Variants in RAD51B observed in about 807,000 individuals in gnomAD.
RAD51B encodes the protein DNA repair protein RAD51 homolog 2.
A neutral mutation model predicts 42.2 loss-of-function variants in RAD51B; 38 were observed. The ratio of observed to expected loss-of-function variants is 0.90; its 90% CI spans 0.70 to 1.18. The LOEUF is 1.18. Among genes scored for constraint, RAD51B ranks in the 50% most tolerant of loss-of-function variants. The pLI is 0.00. For synonymous variants in RAD51B, 154 were observed against 145.2 expected, an observed-to-expected ratio of 1.06 and a Z score of -0.43; for missense variants, 373 against 400.7, an observed-to-expected ratio of 0.93 and a Z score of 0.59.
intron 9 of RAD51B, among the ~76,000 whole-genome samples, chr14:68,460,662 G>A (rs1211192549): frequency 6.6e-6 from 1 of 152,158 alleles, no homozygotes; most frequent in Non-Finnish European, 1.5e-5. Context: ...AGAAGGCCTG[G>A]GGTGACTATG....
intron 7 of RAD51B, among the ~76,000 whole-genome samples, chr14:68,128,701 GT>G (rs2077823932): frequency 6.6e-6 from 1 of 152,020 alleles, no homozygotes; most frequent in Admixed American, 6.6e-5. Flanking sequence ...CAAAAAAAAC[GT>G]GAGTGGGGGG....
At chr14:67,883,388 AG>A (rs1466583718) in intron 5 of RAD51B, among the ~76,000 whole-genome samples, 1 of 149,542 alleles carries the variant, frequency 6.7e-6, no homozygotes, top group African/African-American at 2.4e-5. Context: ...GGCCTTGGCT[AG>A]CTCTTTGTTT....
intron 9 of RAD51B, among the ~76,000 whole-genome samples, chr14:68,442,301 GA>G (rs1424071504): frequency 2.0e-5 from 3 of 152,080 alleles, no homozygotes; most frequent in Non-Finnish European, 2.9e-5. Context: ...ATGGGGTCTG[GA>G]GTATTAGTCT....
At chr14:67,945,928 A>G (rs1224663400) in intron 7 of RAD51B, among the ~76,000 whole-genome samples, 1 of 152,212 alleles carries the variant, frequency 6.6e-6, no homozygotes. Context: ...TAACCCTTAA[A>G]AGGTTAAAAG....
chr14:67,938,644 G>A (rs1952511955), intron 7 of RAD51B, among the ~76,000 whole-genome samples: 1 of 152,204 alleles, frequency 6.6e-6, no homozygotes, highest in Admixed American at 6.5e-5. Flanking sequence ...TGTATAGTTT[G>A]CTTTGTAGAT....
At chr14:68,533,838 A>G (rs993013697) in intron 10 of RAD51B, among the ~76,000 whole-genome samples, 1 of 152,214 alleles carries the variant, frequency 6.6e-6, no homozygotes, top group African/African-American at 2.4e-5. Context: ...CATTAATCTT[A>G]AATTGCTTCA....
intron 8 of RAD51B, among the ~76,000 whole-genome samples, chr14:68,396,693 A>G (rs2083933430): frequency 6.6e-6 from 1 of 152,224 alleles, no homozygotes; most frequent in Non-Finnish European, 1.5e-5. Context: ...CTGTCGTATG[A>G]CTAAGAGTTT....
At chr14:68,285,471 A>G (rs1342477489) in intron 7 of RAD51B, among the ~76,000 whole-genome samples, 2 of 152,204 alleles carry the variant, frequency 1.3e-5, no homozygotes, top group Non-Finnish European at 2.9e-5. Context: ...CATTGGATTT[A>G]GTGCCAGGCG....
intron 7 of RAD51B, among the ~76,000 whole-genome samples, chr14:67,960,621 G>A (rs1340430646): frequency 6.6e-6 from 1 of 152,150 alleles, no homozygotes; most frequent in Non-Finnish European, 1.5e-5. Flanking sequence ...ATAGAACTTA[G>A]ATATATTAAT....
chr14:68,549,257 A>G (rs1203502343), intron 10 of RAD51B, among the ~76,000 whole-genome samples: 2 of 150,488 alleles, frequency 1.3e-5, no homozygotes, highest in Non-Finnish European at 3.0e-5. Flanking sequence ...TTCCAGGGGG[A>G]GGGATGGGGG....
intron 8 of RAD51B, among the ~76,000 whole-genome samples, chr14:68,316,847 A>G (rs2139749476): frequency 6.6e-6 from 1 of 152,368 alleles, no homozygotes; most frequent in East Asian, 1.9e-4. Flanking sequence ...TATAATTTAC[A>G]TACTATAAAA....
intron 7 of RAD51B, among the ~76,000 whole-genome samples, chr14:68,000,544 C>A (rs932100745): frequency 6.6e-6 from 1 of 152,014 alleles, no homozygotes; most frequent in African/African-American, 2.4e-5. Flanking sequence ...TAAAATATGT[C>A]CTGTTAAGAT....
intron 7 of RAD51B, among the ~76,000 whole-genome samples, chr14:67,938,670 T>C (rs1278697284): frequency 6.6e-6 from 1 of 152,222 alleles, no homozygotes; most frequent in East Asian, 1.9e-4. Flanking sequence ...TGTATTTCAG[T>C]AGAAAACAGT....
chr14:67,828,831 C>A (rs1201265115), intron 3 of RAD51B, among the ~76,000 whole-genome samples: 1 of 152,176 alleles, frequency 6.6e-6, no homozygotes, highest in South Asian at 2.1e-4. Flanking sequence ...TTCTTCTGTT[C>A]CATTGGTCTA....
chr14:68,313,429 C>T (rs2081998872), intron 8 of RAD51B, among the ~76,000 whole-genome samples: 2 of 152,146 alleles, frequency 1.3e-5, no homozygotes, highest in African/African-American at 4.8e-5. Context: ...TCATGGGTAG[C>T]TTACAGGGAT....
At chr14:68,361,488 C>A (rs547180824) in intron 8 of RAD51B, among the ~76,000 whole-genome samples, 1 of 152,288 alleles carries the variant, frequency 6.6e-6, no homozygotes, top group African/African-American at 2.4e-5. Context: ...CTTAACTTTG[C>A]TCCCTAGAGC....
chr14:68,349,488 T>C (rs774895195), intron 8 of RAD51B, among the ~76,000 whole-genome samples: 2 of 152,132 alleles, frequency 1.3e-5, no homozygotes, highest in South Asian at 4.2e-4. Context: ...TGCCTCACCC[T>C]CTCTAGAAGC....
intron 7 of RAD51B, among the ~76,000 whole-genome samples, chr14:67,944,615 T>C (rs1234472193): frequency 2.6e-5 from 4 of 152,202 alleles, no homozygotes; most frequent in African/African-American, 7.2e-5. Context: ...CTTGATCTTA[T>C]TTAATCTTAG....
At chr14:67,948,283 G>A (rs948820600) in intron 7 of RAD51B, among the ~76,000 whole-genome samples, 1 of 152,152 alleles carries the variant, frequency 6.6e-6, no homozygotes, top group Admixed American at 6.5e-5. Flanking sequence ...AGTTCAGAGA[G>A]GAGACATTTT....
Sources: allele counts gnomAD v4.1 joint callset (sites outside exome capture counted in the v4.1 genomes callset), GRCh38; gene constraint gnomAD v4.1.1; transcripts MANE v1.5; gene names NCBI Gene and HGNC (gene_info 2026-07-23, HGNC 2026-07-21).